Variants in CCBE1 observed in about 807,000 individuals in gnomAD.
The protein encoded by CCBE1 is collagen and calcium binding EGF domains 1.
In CCBE1, 37 loss-of-function variants were observed where a neutral mutation model predicts 50.0. The ratio of observed to expected loss-of-function variants is 0.74; its 90% CI spans 0.57 to 0.97. The LOEUF (loss-of-function observed/expected upper bound fraction) is 0.97. Among genes scored for constraint, CCBE1 ranks in the 50% least tolerant of loss-of-function variants. The pLI is 0.00. For missense variants in CCBE1, 538 were observed against 523.8 expected (o/e 1.03, Z -0.26); for synonymous variants, 234 against 203.7 (o/e 1.15, Z -1.27).
chr18:59,629,918 G>A (rs867372268), intron 2 of CCBE1, among the ~76,000 whole-genome samples: 10 of 152,176 alleles, frequency 6.6e-5, no homozygotes, highest in African/African-American at 1.2e-4. Flanking sequence ...AGTTCTCTGC[G>A]TGACCATTTA....
intron 2 of CCBE1, among the ~76,000 whole-genome samples, chr18:59,660,877 C>T (rs2054274824): frequency 6.6e-6 from 1 of 152,174 alleles, no homozygotes; most frequent in Non-Finnish European, 1.5e-5. Context: ...TTACAAATGT[C>T]CCTTTTTTTG....
At chr18:59,584,270 T>C (rs1251916148) in intron 2 of CCBE1, among the ~76,000 whole-genome samples, 1 of 148,182 alleles carries the variant, frequency 6.7e-6, no homozygotes, top group African/African-American at 2.5e-5. Flanking sequence ...AAACACCACA[T>C]GTTCTCACTC....
chr18:59,606,628 G>A (rs1030661251), intron 2 of CCBE1, among the ~76,000 whole-genome samples: 2 of 152,102 alleles, frequency 1.3e-5, no homozygotes, highest in African/African-American at 4.8e-5. Context: ...CCTTGGAAGG[G>A]TGTCAAGAAG....
At chr18:59,617,392 CA>C (rs2053650925) in intron 2 of CCBE1, among the ~76,000 whole-genome samples, 1 of 152,222 alleles carries the variant, frequency 6.6e-6, no homozygotes, top group Non-Finnish European at 1.5e-5. Flanking sequence ...CCTCCATGAC[CA>C]TCCATCAGCC....
intron 3 of CCBE1, among the ~76,000 whole-genome samples, chr18:59,475,717 ATTAT>A (rs1267328163): frequency 1.4e-5 from 2 of 146,266 alleles, no homozygotes; most frequent in Admixed American, 6.8e-5. Flanking sequence ...ATATTTATTT[ATTAT>A]TTATTTATTT....
chr18:59,584,665 C>T (rs577656688), intron 2 of CCBE1, among the ~76,000 whole-genome samples: 208 of 152,176 alleles, frequency 1.4e-3, no homozygotes, highest in African/African-American at 4.7e-3. Flanking sequence ...AGCACCTCCC[C>T]GTTGTCCCTC....
chr18:59,611,134 C>A (rs1261596925), intron 2 of CCBE1, among the ~76,000 whole-genome samples: 2 of 152,350 alleles, frequency 1.3e-5, no homozygotes, highest in East Asian at 3.9e-4. Context: ...GATCTCACCA[C>A]CGGCTCTGCC....
intron 2 of CCBE1, among the ~76,000 whole-genome samples, chr18:59,610,970 C>T (rs2144582581): frequency 6.6e-6 from 1 of 152,382 alleles, no homozygotes; most frequent in Middle Eastern, 3.4e-3. Flanking sequence ...AAAGCCCATG[C>T]CCTTTGAATC....
chr18:59,640,832 T>C (rs1273570829), intron 2 of CCBE1, among the ~76,000 whole-genome samples: 8 of 152,002 alleles, frequency 5.3e-5, no homozygotes. Context: ...ACAAAGGACA[T>C]GAATGGACAC....
At chr18:59,474,042 T>C (rs1445270121) in intron 3 of CCBE1, among the ~76,000 whole-genome samples, 2 of 152,254 alleles carry the variant, frequency 1.3e-5, no homozygotes, top group Admixed American at 6.5e-5. Context: ...TCCAGCTCCA[T>C]CCATGTTTTT....
intron 2 of CCBE1, among the ~76,000 whole-genome samples, chr18:59,637,409 A>G (rs2144638163): frequency 6.6e-6 from 1 of 152,276 alleles, no homozygotes; most frequent in South Asian, 2.1e-4. Flanking sequence ...TCCATCAATT[A>G]CAAAGAGGTG....
chr18:59,536,705 T>C (rs961488875), intron 2 of CCBE1, among the ~76,000 whole-genome samples: 3 of 152,058 alleles, frequency 2.0e-5, no homozygotes, highest in African/African-American at 7.2e-5. Context: ...TAAAGGAACA[T>C]TTGGCTGGGC....
intron 2 of CCBE1, among the ~76,000 whole-genome samples, chr18:59,499,580 C>T (rs1261629151): frequency 1.3e-5 from 2 of 151,472 alleles, no homozygotes; most frequent in African/African-American, 4.9e-5. Context: ...GGAAACTCCC[C>T]CTTATAAAAC....
chr18:59,480,800 C>T (rs1389015721), intron 2 of CCBE1, among the ~76,000 whole-genome samples: 1 of 151,426 alleles, frequency 6.6e-6, no homozygotes, highest in African/African-American at 2.4e-5. Flanking sequence ...TGAAAGGTAC[C>T]TAAATGATCT....
At chr18:59,642,086 AC>A (rs771135798) in intron 2 of CCBE1, among the ~76,000 whole-genome samples, 2 of 152,224 alleles carry the variant, frequency 1.3e-5, no homozygotes, top group African/African-American at 2.4e-5. Context: ...CATCAAAAAA[AC>A]ACCATAAACT....
At chr18:59,621,180 G>A (rs543076583) in intron 2 of CCBE1, among the ~76,000 whole-genome samples, 79 of 152,298 alleles carry the variant, frequency 5.2e-4, no homozygotes, top group African/African-American at 1.9e-3. Context: ...ATCACTCACT[G>A]GGGCACCCAG....
rs547777820 is a variant in CCBE1 at position 59,563,717 on chromosome 18, G to C, written c.213-83479C>G. On this transcript the variant is annotated intron_variant, in intron 2 of 10. Coordinates refer to ENST00000439986, the MANE Select transcript of CCBE1 (RefSeq NM_133459.4). ...GGTCATAAAAGATGATCAGAAGCCAGTTCTTCCCAACAAAGGAACTTAGGA... is the reference window on the plus strand; with the variant it reads ...GGTCATAAAAGATGATCAGAAGCCACTTCTTCCCAACAAAGGAACTTAGGA... The C allele has an allele frequency of 2.0e-5, 3 of 152,312 alleles. No individual in the cohort carries two copies. The South Asian group carries it at 6.2e-4, about 32-fold the overall frequency. The allele number at this position is 152,312 out of a possible 1,614,324, so 9.4% of individuals were successfully genotyped here.
chr18:59,495,487 A>T (rs547694341), intron 2 of CCBE1, among the ~76,000 whole-genome samples: 1 of 149,748 alleles, frequency 6.7e-6, no homozygotes, highest in African/African-American at 2.5e-5. Context: ...GGCATCCTTG[A>T]CATCACTTCC....
At chr18:59,588,789 C>A (rs775851364) in intron 2 of CCBE1, among the ~76,000 whole-genome samples, 2 of 152,156 alleles carry the variant, frequency 1.3e-5, no homozygotes, top group Non-Finnish European at 2.9e-5. Context: ...CAATGCCCAG[C>A]ATTTTTCAGC....
Sources: gnomAD v4.1 joint callset for allele counts (sites outside exome capture counted in the v4.1 genomes callset) on GRCh38, gnomAD v4.1.1 for gene constraint, MANE v1.5 for transcripts, NCBI Gene and HGNC (gene_info 2026-07-23, HGNC 2026-07-21) for gene names.